ANXA10: variants seen among roughly 807,000 people sequenced by gnomAD.
ANXA10 encodes annexin 14.
In ANXA10, 49 loss-of-function variants were observed where a neutral mutation model predicts 53.5. The observed-to-expected ratio is 0.92, with a 90% CI of 0.73 to 1.16. The LOEUF is 1.16. Ranked by LOEUF, ANXA10 falls within the 50% of genes most tolerant of loss-of-function variation. ANXA10 has a pLI of 0.00. For missense variants in ANXA10, 393 were observed against 394.4 expected (o/e 1.00, Z 0.03); for synonymous variants, 131 against 128.9 (o/e 1.02, Z -0.11).
intron 1 of ANXA10, among the ~76,000 whole-genome samples, chr4:168,124,451 A>G (rs1263108663): frequency 6.6e-6 from 1 of 152,220 alleles, no homozygotes; most frequent in Non-Finnish European, 1.5e-5. Flanking sequence ...GTAAGGAATC[A>G]GGTCATGAAG....
chr4:168,141,956 C>G (rs139935805), intron 3 of ANXA10, among the ~76,000 whole-genome samples: 1 of 152,120 alleles, frequency 6.6e-6, no homozygotes, highest in African/African-American at 2.4e-5. Flanking sequence ...GATACGAATT[C>G]TATCTAATGG....
chr4:168,128,203 A>G, intron 2 of ANXA10, 38 bp downstream of exon 2: 1 of 1,560,454 alleles, frequency 6.4e-7, no homozygotes, highest in Non-Finnish European at 8.8e-7. Flanking sequence ...TATTGTGATT[A>G]TTTTTTGCTT....
chr4:168,138,202 C>T (rs1731271396), intron 2 of ANXA10, among the ~76,000 whole-genome samples: 1 of 152,014 alleles, frequency 6.6e-6, no homozygotes, highest in Non-Finnish European at 1.5e-5. Flanking sequence ...ACCTCATGAT[C>T]CACCCACCTC....
intron 6 of ANXA10, among the ~76,000 whole-genome samples, chr4:168,166,075 C>T (rs1315147937): frequency 6.6e-6 from 1 of 152,154 alleles, no homozygotes; most frequent in East Asian, 1.9e-4. Flanking sequence ...AGGAGAGAAA[C>T]AATTTTCTCA....
intron 3 of ANXA10, among the ~76,000 whole-genome samples, chr4:168,145,090 C>T (rs981671608): frequency 6.6e-6 from 1 of 152,154 alleles, no homozygotes; most frequent in African/African-American, 2.4e-5. Context: ...CTGTCCTCCT[C>T]CACTGAGTCA....
chr4:168,127,612 G>T, intron 1 of ANXA10: 5 of 184,574 alleles, frequency 2.7e-5, no homozygotes, highest in Non-Finnish European at 3.5e-5. Flanking sequence ...TTTACTATTG[G>T]TTTTGGTATC....
chr4:168,164,101 A>G (rs1319724136), intron 4 of ANXA10, 97 bp from the exon 5 acceptor site: 1 of 918,388 alleles, frequency 1.1e-6, no homozygotes, highest in East Asian at 2.6e-5. Context: ...CCACCTCTCA[A>G]AACACTGGAA....
chr4:168,144,163 G>T (rs1169298354), intron 3 of ANXA10, among the ~76,000 whole-genome samples: 3 of 151,858 alleles, frequency 2.0e-5, no homozygotes, highest in Non-Finnish European at 4.4e-5. Flanking sequence ...CTCTCTCCAG[G>T]TGCCAAGATT....
intron 2 of ANXA10, among the ~76,000 whole-genome samples, chr4:168,131,109 T>G (rs140923587): frequency 1.4e-3 from 216 of 152,126 alleles, no homozygotes; most frequent in African/African-American, 4.8e-3. Flanking sequence ...TTCTTTTTGT[T>G]TCTCTATATG....
intron 3 of ANXA10, among the ~76,000 whole-genome samples, chr4:168,156,067 A>ATATTATATATAATATT (rs1731651819): frequency 1.6e-5 from 1 of 60,992 alleles, no homozygotes; most frequent in Non-Finnish European, 2.6e-5. Context: ...TATATATCAT[A>ATATTATATATAATATT]TATTATATAT....
At chr4:168,123,491 G>T (rs1410351136) in intron 1 of ANXA10, among the ~76,000 whole-genome samples, 2 of 152,194 alleles carry the variant, frequency 1.3e-5, no homozygotes, top group African/African-American at 4.8e-5. Flanking sequence ...GAATCTTGCT[G>T]AAGGCAGGCT....
rs867162851 is a variant in ANXA10, at chr4:168,133,568, A to C, written c.100+5403A>C. Among the ~76,000 whole-genome samples the C allele has an allele frequency of 2.6e-5, 4 of 152,268 alleles. No individual in the cohort carries two copies. In the South Asian group the frequency reaches 6.2e-4, roughly 24 times the overall value. Reference sequence around the variant, plus strand: ...GAGGCTACAGAAGAGCTTTAAAAATATCTCTTAAATGTTTATACAGGAGAA... The same window carrying C: ...GAGGCTACAGAAGAGCTTTAAAAATCTCTCTTAAATGTTTATACAGGAGAA... On this transcript the variant is annotated intron_variant, in intron 2 of 11. Coordinates refer to ENST00000359299, the MANE Select transcript of ANXA10 (RefSeq NM_007193.5).
At chr4:168,092,796 A>G in intron 1 of ANXA10, 78 bp downstream of exon 1, 1 of 1,331,298 alleles carries the variant, frequency 7.5e-7, no homozygotes, top group Non-Finnish European at 1.0e-6. Context: ...GTGTTTTTTG[A>G]CGTTTTTAAC....
intron 3 of ANXA10, among the ~76,000 whole-genome samples, chr4:168,144,706 A>T (rs974447736): frequency 6.6e-6 from 1 of 152,202 alleles, no homozygotes; most frequent in Non-Finnish European, 1.5e-5. Flanking sequence ...TAACCTTATG[A>T]TCTGGGATGA....
At chr4:168,096,480 G>T (rs557446604) in intron 1 of ANXA10, among the ~76,000 whole-genome samples, 2 of 152,102 alleles carry the variant, frequency 1.3e-5, no homozygotes, top group South Asian at 4.2e-4. Context: ...TCCTTGAACT[G>T]GCATGCATGC....
At chr4:168,172,725 T>C (rs1732036692) in intron 6 of ANXA10, among the ~76,000 whole-genome samples, 1 of 151,804 alleles carries the variant, frequency 6.6e-6, no homozygotes, top group South Asian at 2.1e-4. Flanking sequence ...TGATGAAAGA[T>C]ATGGCAGAAC....
At chr4:168,166,966 C>A (rs1313781363) in intron 6 of ANXA10, among the ~76,000 whole-genome samples, 1 of 152,012 alleles carries the variant, frequency 6.6e-6, no homozygotes, top group Non-Finnish European at 1.5e-5. Context: ...TGCCTAAGGC[C>A]CTCAGGAACA....
chr4:168,134,012 T>A (rs1439654309), intron 2 of ANXA10, among the ~76,000 whole-genome samples: 1 of 151,996 alleles, frequency 6.6e-6, no homozygotes, highest in African/African-American at 2.4e-5. Context: ...TATCTAGAAA[T>A]TCAAGTTTAA....
intron 3 of ANXA10, among the ~76,000 whole-genome samples, chr4:168,154,598 C>A (rs1731568671): frequency 1.3e-5 from 2 of 152,104 alleles, no homozygotes; most frequent in Admixed American, 1.3e-4. Flanking sequence ...GTGCCACTAT[C>A]CTGTAGAGAT....
Sources: gnomAD v4.1 joint callset for allele counts (sites outside exome capture counted in the v4.1 genomes callset) on GRCh38, gnomAD v4.1.1 for gene constraint, MANE v1.5 for transcripts, NCBI Gene and HGNC (gene_info 2026-07-23, HGNC 2026-07-21) for gene names.